The following ERBB4 variants were observed in gnomAD, a reference collection of about 807,000 sequenced individuals.
The protein encoded by ERBB4 is receptor tyrosine-protein kinase erbB-4.
In ERBB4, 42 loss-of-function variants were observed where a neutral mutation model predicts 158.0. That is an observed-to-expected ratio of 0.27 (90% CI 0.21 to 0.34). The LOEUF is 0.34. Ranked by LOEUF, ERBB4 falls within the 10% of genes least tolerant of loss-of-function variation. ERBB4 has a pLI of 1.00. For missense variants in ERBB4, 1,333 were observed against 1,624.1 expected, an observed-to-expected ratio of 0.82 and a Z score of 3.08; for synonymous variants, 583 against 558.7, an observed-to-expected ratio of 1.04 and a Z score of -0.61.
At chr2:212,349,586 A>T (rs2089166804) in intron 1 of ERBB4, among the ~76,000 whole-genome samples, 1 of 152,258 alleles carries the variant, frequency 6.6e-6, no homozygotes, top group East Asian at 1.9e-4. Context: ...GATGTCCCCA[A>T]GAAAGCAGAT....
chr2:211,957,031 T>C lies in ERBB4; in HGVS notation c.235-9415A>G, dbSNP rs538643805. Among the ~76,000 whole-genome samples the C allele has an allele frequency of 3.3e-5, 5 of 152,076 alleles. No homozygotes were observed. In the South Asian group the frequency reaches 1.0e-3, roughly 32 times the overall value. On this transcript the variant is annotated intron_variant, in intron 2 of 27. Transcript: ENST00000342788. Reference sequence around the variant, plus strand: ...TCCAGTAGAGATGGGGGTCTCATTATGTTGCTGTGGCTGGTTTTGAACTCC... The same window carrying C: ...TCCAGTAGAGATGGGGGTCTCATTACGTTGCTGTGGCTGGTTTTGAACTCC...
intron 19 of ERBB4, among the ~76,000 whole-genome samples, chr2:211,562,512 G>A (rs2067424985): frequency 6.6e-6 from 1 of 152,130 alleles, no homozygotes; most frequent in Admixed American, 6.5e-5. Flanking sequence ...GCTGAACTTT[G>A]AAGTCACCCA....
chr2:212,389,658 G>A (rs565688297), intron 1 of ERBB4, among the ~76,000 whole-genome samples: 3 of 151,898 alleles, frequency 2.0e-5, no homozygotes, highest in East Asian at 1.9e-4. Flanking sequence ...AAGTCTCCAC[G>A]GAATTTGTGT....
chr2:212,011,159 A>G lies in ERBB4; in HGVS notation c.235-63543T>C, dbSNP rs6721315. Among the ~76,000 whole-genome samples, 1,380 of 152,260 alleles carry G rather than the reference A, an allele frequency of 9.1e-3. 14 individuals carry two copies. Among genetic ancestry groups the G allele is most frequent in the African/African-American group, 0.031 (1,282 of 41,542 alleles). ...TACATCCTTAGCTTATGAAGATAAC[A>G]GGATTAAGAGATTAAAGTAAAGACA... On this transcript the variant is annotated intron_variant, in intron 2 of 27. Transcript: ENST00000342788.
intron 2 of ERBB4, among the ~76,000 whole-genome samples, chr2:212,122,896 C>A (rs2079800593): frequency 6.6e-6 from 1 of 151,970 alleles, no homozygotes; most frequent in Non-Finnish European, 1.5e-5. Flanking sequence ...GTAAAGCAAA[C>A]ATAAGAAGAA....
At chr2:212,398,803 T>C (rs1455499488) in intron 1 of ERBB4, among the ~76,000 whole-genome samples, 2 of 152,098 alleles carry the variant, frequency 1.3e-5, no homozygotes, top group Non-Finnish European at 2.9e-5. Flanking sequence ...TTACACCAAC[T>C]CATTGATTCT....
chr2:212,054,259 G>A (rs1201345430), intron 2 of ERBB4, among the ~76,000 whole-genome samples: 1 of 152,142 alleles, frequency 6.6e-6, no homozygotes, highest in Non-Finnish European at 1.5e-5. Context: ...AGTAAGAACA[G>A]GTTAATCATT....
intron 16 of ERBB4, among the ~76,000 whole-genome samples, chr2:211,645,097 T>C (rs1420772664): frequency 6.6e-6 from 1 of 151,824 alleles, no homozygotes. Context: ...ACTAAGTAAG[T>C]ATGTTAGTAT....
At position 211,722,274 on chromosome 2, in the gene ERBB4, C is replaced by A. The variant is rs181363972; in HGVS notation, c.883+119G>T. On this transcript the variant is annotated intron_variant, in intron 7 of 27. Coordinates refer to ENST00000342788, the MANE Select transcript of ERBB4 (RefSeq NM_005235.3). Reference sequence around the variant, plus strand: ...ATTTATAAAATGGGGGCAATAGTATCTATACCCAAAGTACTTATAATATTC... The same window carrying A: ...ATTTATAAAATGGGGGCAATAGTATATATACCCAAAGTACTTATAATATTC... 33 of 815,146 alleles carry A rather than the reference C, an allele frequency of 4.0e-5. 1 individual carries two copies. In the South Asian group the frequency reaches 4.9e-4, roughly 12 times the overall value. 50.5% of individuals were successfully genotyped at this position (815,146 alleles called of 1,614,324 possible). A position where few individuals can be genotyped will look rare whatever the true frequency, so the allele number is the denominator to read the frequency against.
At chr2:211,631,375 G>T (rs567649437) in intron 16 of ERBB4, among the ~76,000 whole-genome samples, 2 of 152,224 alleles carry the variant, frequency 1.3e-5, no homozygotes, top group South Asian at 2.1e-4. Flanking sequence ...GAAAGATAAA[G>T]AATTGGTTCA....
chr2:212,273,919 G>T (rs2085432543), intron 1 of ERBB4, among the ~76,000 whole-genome samples: 1 of 151,714 alleles, frequency 6.6e-6, no homozygotes, highest in Non-Finnish European at 1.5e-5. Flanking sequence ...TAGGGGTGCT[G>T]ACCCCTGTGC....
chr2:211,422,996 G>A (rs573859363), intron 23 of ERBB4, among the ~76,000 whole-genome samples: 1 of 151,740 alleles, frequency 6.6e-6, no homozygotes, highest in South Asian at 2.1e-4. Context: ...CCTATTCTGG[G>A]AATTTTTTGG....
At chr2:211,839,725 A>T (rs191839619) in intron 3 of ERBB4, among the ~76,000 whole-genome samples, 1 of 152,264 alleles carries the variant, frequency 6.6e-6, no homozygotes, top group Non-Finnish European at 1.5e-5. Context: ...AATTAAAAAC[A>T]TGTCTTGATT....
chr2:211,884,305 A>G (rs1376793952), intron 3 of ERBB4, among the ~76,000 whole-genome samples: 1 of 152,156 alleles, frequency 6.6e-6, no homozygotes, highest in Admixed American at 6.5e-5. Flanking sequence ...TTTAATATTG[A>G]AATAGCTACC....
In ERBB4 at chr2:212,327,866, A is replaced by C. The variant is rs78316613; in HGVS notation, c.83-202963T>G. 3.4e-5 allele frequency among the ~76,000 whole-genome samples: 4 copies of C among 118,910 alleles called. No individual in the cohort carries two copies. In the East Asian group the frequency reaches 9.6e-4, roughly 29 times the overall value. 78.0% of individuals were successfully genotyped at this position (118,910 alleles called of 152,430 possible). A position where few individuals can be genotyped will look rare whatever the true frequency, so the allele number is the denominator to read the frequency against. ...ATGTAAAGTATTCCTCCAAAAAGTTATTTTTTAATTTTTGAAAAAAAAATA... is the reference window on the plus strand; with the variant it reads ...ATGTAAAGTATTCCTCCAAAAAGTTCTTTTTTAATTTTTGAAAAAAAAATA... On this transcript the variant is annotated intron_variant, in intron 1 of 27. Transcript: ENST00000342788.
intron 1 of ERBB4, among the ~76,000 whole-genome samples, chr2:212,393,083 T>C (rs1425679473): frequency 6.6e-6 from 1 of 152,082 alleles, no homozygotes; most frequent in African/African-American, 2.4e-5. Flanking sequence ...ATTTTCTTTT[T>C]TCTACCATTA....
intron 1 of ERBB4, among the ~76,000 whole-genome samples, chr2:212,459,609 C>A (rs1433146925): frequency 3.9e-5 from 6 of 152,030 alleles, no homozygotes; most frequent in Non-Finnish European, 8.8e-5. Context: ...TTGAATGGAA[C>A]CACAAAAGAC....
intron 3 of ERBB4, among the ~76,000 whole-genome samples, chr2:211,842,787 A>G (rs912277231): frequency 2.6e-5 from 4 of 152,172 alleles, no homozygotes; most frequent in Non-Finnish European, 5.9e-5. Context: ...ATAAATTTGA[A>G]TCCTTTCAAC....
chr2:211,734,128 AAAG>A (rs1464414250), intron 5 of ERBB4, among the ~76,000 whole-genome samples: 6 of 152,236 alleles, frequency 3.9e-5, no homozygotes, highest in Non-Finnish European at 7.3e-5. Context: ...AAAATTAAAA[AAAG>A]AACATCATAT....
Sources: gnomAD v4.1 joint callset for allele counts (sites outside exome capture counted in the v4.1 genomes callset) on GRCh38, gnomAD v4.1.1 for gene constraint, MANE v1.5 for transcripts, NCBI Gene and HGNC (gene_info 2026-07-23, HGNC 2026-07-21) for gene names.